Variants in RBM48 observed in about 807,000 individuals in gnomAD.
RBM48 encodes the protein RNA-binding protein 48.
A neutral mutation model predicts 34.8 loss-of-function variants in RBM48; 32 were observed. The observed-to-expected ratio is 0.92, with a 90% CI of 0.69 to 1.23. RBM48 has a LOEUF of 1.23. Ranked by LOEUF, RBM48 falls within the 50% of genes most tolerant of loss-of-function variation. The probability of loss-of-function intolerance (pLI) is 0.00; values close to 1 mark genes in which losing one functional copy is unlikely to be tolerated. For synonymous variants in RBM48, 151 were observed against 156.2 expected, an observed-to-expected ratio of 0.97 and a Z score of 0.25; for missense variants, 441 against 447.2, an observed-to-expected ratio of 0.99 and a Z score of 0.12.
chr7:92,532,685 C>A, intron 3 of RBM48, 136 bp downstream of exon 3: 1 of 629,724 alleles, frequency 1.6e-6, no homozygotes, highest in South Asian at 2.0e-5. Flanking sequence ...CCACAGGGTT[C>A]TCTGCAGCAC....
At chr7:92,532,137 G>A (rs948820471) in intron 2 of RBM48, among the ~76,000 whole-genome samples, 2 of 152,082 alleles carry the variant, frequency 1.3e-5, no homozygotes, top group Non-Finnish European at 2.9e-5. Context: ...CATACTTCAG[G>A]CCAACCAGCT....
intron 2 of RBM48, 129 bp from the exon 3 acceptor site, chr7:92,532,275 C>A: frequency 2.7e-6 from 2 of 736,102 alleles, no homozygotes; most frequent in Non-Finnish European, 4.6e-6. Flanking sequence ...AATTCCCAAT[C>A]CACAGGATAT....
intron 4 of RBM48, chr7:92,535,698 T>A: frequency 2.0e-6 from 2 of 984,912 alleles, no homozygotes; most frequent in Non-Finnish European, 2.4e-6. Context: ...TCACATAGTT[T>A]TACTCATATT....
At chr7:92,529,028 G>A in intron 1 of RBM48, 104 bp downstream of exon 1, 1 of 844,810 alleles carries the variant, frequency 1.2e-6, no homozygotes, top group Non-Finnish European at 2.0e-6. Flanking sequence ...GCTTCCGTCA[G>A]ATCTGTCTCT....
At chr7:92,530,667 G>A (rs899388787) in intron 2 of RBM48, among the ~76,000 whole-genome samples, 5 of 152,154 alleles carry the variant, frequency 3.3e-5, no homozygotes, top group Middle Eastern at 3.4e-3. Context: ...GGCTGTGTTG[G>A]TGCAAACCTT....
intron 1 of RBM48, chr7:92,529,217 T>A (rs1049900437): frequency 1.7e-6 from 1 of 572,822 alleles, no homozygotes; most frequent in Non-Finnish European, 3.1e-6. Flanking sequence ...TGAGTGATTG[T>A]TCCCAGTGAC....
At chr7:92,534,099 G>A (rs1478310949) in intron 3 of RBM48, 2 of 307,860 alleles carry the variant, frequency 6.5e-6, no homozygotes, top group South Asian at 3.5e-5. Flanking sequence ...GAGAAAATGG[G>A]AGGAAGGAGG....
rs759246808 is a variant in RBM48, at chr7:92,528,835, C to T, written c.22C>T (p.Leu8=). The T allele has an allele frequency of 4.3e-6, 7 of 1,613,974 alleles. No individual in the cohort carries two copies. In the East Asian group the frequency reaches 8.9e-5, roughly 21 times the overall value. Reference sequence around the variant, plus strand: ...CAAGATGGCGTCGAGCGGCGGGGAGCTAGGGAGTTTATTTGATCACCACGT... The same window carrying T: ...CAAGATGGCGTCGAGCGGCGGGGAGTTAGGGAGTTTATTTGATCACCACGT... MASSGGE[L]GSLFDHHVQR... is the part of the protein sequence containing the mutation. Residue 8 remains leucine, a synonymous_variant, in exon 1 of 5, where the codon CTA becomes TTA. Coordinates refer to ENST00000265732, the MANE Select transcript of RBM48 (RefSeq NM_032120.4).
At chr7:92,529,342 C>T (rs1260427028) in intron 1 of RBM48, 134 bp from the exon 2 acceptor site, 2 of 602,594 alleles carry the variant, frequency 3.3e-6, no homozygotes, top group Non-Finnish European at 5.7e-6. Flanking sequence ...GCAGAAATTT[C>T]ATTTTGTGTT....
intron 2 of RBM48, among the ~76,000 whole-genome samples, chr7:92,531,024 GTGAGTCTTA>G (rs1364415549): frequency 4.6e-5 from 7 of 152,162 alleles, no homozygotes; most frequent in Non-Finnish European, 5.9e-5. Flanking sequence ...GGAGGTTGCA[GTGAGTCTTA>G]TGGGCCACTA....
chr7:92,538,125 G>A lies in RBM48; in HGVS notation c.*1188G>A, dbSNP rs541148815. ...AGCTATGATGTACTTGTAGCAGGAC[G>A]AGCTGCAGACAAAACCCCGCAGACA... On this transcript the variant is annotated 3_prime_UTR_variant, in exon 5 of 5. Transcript: ENST00000265732. 6 of 152,294 alleles carry A rather than the reference G, an allele frequency of 3.9e-5. No homozygotes were observed. The highest frequency in any genetic ancestry group is 2.0e-4 in the Admixed American group (3 of 15,304). 9.4% of individuals were successfully genotyped at this position (152,294 alleles called of 1,614,324 possible).
intron 2 of RBM48, among the ~76,000 whole-genome samples, chr7:92,530,044 G>A (rs1266830020): frequency 1.3e-5 from 2 of 152,040 alleles, no homozygotes; most frequent in East Asian, 3.9e-4. Flanking sequence ...GGGTCTAGTG[G>A]CGCAGGCCTG....
rs1169272295 is a variant in RBM48, at chr7:92,538,288, G to GTGAT, written c.*1352_*1355dup. ...GTAAGAGGGTCTGCGTGAAAGGGTT[G>GTGAT]TGATAGACGGAGCAAGTGATCTATA... On this transcript the variant is annotated 3_prime_UTR_variant, in exon 5 of 5. Transcript: ENST00000265732. 1.3e-5 allele frequency among the ~76,000 whole-genome samples: 2 copies of GTGAT among 152,246 alleles called. No homozygotes were observed. Among genetic ancestry groups the GTGAT allele is most frequent in the South Asian group, 4.1e-4 (2 of 4,836 alleles).
chr7:92,535,721 T>G (rs1384403225), intron 4 of RBM48: 4 of 982,742 alleles, frequency 4.1e-6, no homozygotes, highest in Non-Finnish European at 4.8e-6. Context: ...ACAATGTGAT[T>G]AAGGGAGGCT....
Position 92,539,804 on chromosome 7 carries a change from G to A in RBM48, c.*2867G>A, listed in dbSNP as rs1026583465. ...ATCAATTATTAGACTGATACTTGCA[G>A]CTCAGAAAACTTTTGTCAGATGCAT... On this transcript the variant is annotated 3_prime_UTR_variant, in exon 5 of 5. Coordinates refer to ENST00000265732, the MANE Select transcript of RBM48 (RefSeq NM_032120.4). Among the ~76,000 whole-genome samples, 44 of 152,206 alleles carry A rather than the reference G, an allele frequency of 2.9e-4. No homozygotes were observed. The highest frequency in any genetic ancestry group is 8.7e-4 in the African/African-American group (36 of 41,456).
intron 3 of RBM48, among the ~76,000 whole-genome samples, chr7:92,533,185 C>A (rs1221164958): frequency 6.6e-6 from 1 of 152,212 alleles, no homozygotes; most frequent in African/African-American, 2.4e-5. Context: ...ACTCAGAAAT[C>A]TGGTAAGAGA....
At position 92,539,964 on chromosome 7, in the gene RBM48, A is replaced by C. The variant is rs1793823346; in HGVS notation, c.*3027A>C. On this transcript the variant is annotated 3_prime_UTR_variant, in exon 5 of 5. Transcript: ENST00000265732. ...TTGCTGAAACTCTATTCAGTGTTCT[A>C]TCCCTTAAGCAAGCCAATATACCCT... Among the ~76,000 whole-genome samples, 1 of 152,244 alleles carries C rather than the reference A, an allele frequency of 6.6e-6. No individual in the cohort carries two copies. Among genetic ancestry groups the C allele is most frequent in the African/African-American group, 2.4e-5 (1 of 41,468 alleles).
At position 92,539,517 on chromosome 7, in the gene RBM48, C is replaced by T. The variant is rs1284787990; in HGVS notation, c.*2580C>T. ...AGGAGTTCAAGGCCAGCCTGGCCAA[C>T]ATGATGAAACTCCATCTCTACAAAA... On this transcript the variant is annotated 3_prime_UTR_variant, in exon 5 of 5. Coordinates refer to ENST00000265732, the MANE Select transcript of RBM48 (RefSeq NM_032120.4). 1.3e-5 allele frequency among the ~76,000 whole-genome samples: 2 copies of T among 152,186 alleles called. No individual in the cohort carries two copies. Among genetic ancestry groups the T allele is most frequent in the Admixed American group, 1.3e-4 (2 of 15,278 alleles).
chr7:92,538,121 G>C lies in RBM48; in HGVS notation c.*1184G>C, dbSNP rs1793767660. ...TTTCAGCTATGATGTACTTGTAGCA[G>C]GACGAGCTGCAGACAAAACCCCGCA... On this transcript the variant is annotated 3_prime_UTR_variant, in exon 5 of 5. Coordinates refer to ENST00000265732, the MANE Select transcript of RBM48 (RefSeq NM_032120.4). 6.6e-6 allele frequency: 1 copy of C among 152,238 alleles called. No individual in the cohort carries two copies. The highest frequency in any genetic ancestry group is 6.5e-5 in the Admixed American group (1 of 15,282). 9.4% of individuals were successfully genotyped at this position (152,238 alleles called of 1,614,324 possible).
Sources: gnomAD v4.1 joint callset for allele counts (sites outside exome capture counted in the v4.1 genomes callset) on GRCh38, gnomAD v4.1.1 for gene constraint, MANE v1.5 for transcripts, NCBI Gene and HGNC (gene_info 2026-07-23, HGNC 2026-07-21) for gene names.